Variants in MTUS2 observed in about 807,000 individuals in gnomAD.
MTUS2 encodes the protein microtubule-associated tumor suppressor candidate 2.
Under a neutral mutation model 114.1 loss-of-function variants are expected in MTUS2, and 40 were observed. The ratio of observed to expected loss-of-function variants is 0.35; its 90% CI spans 0.27 to 0.46. MTUS2 has a LOEUF of 0.46. Ranked by LOEUF, MTUS2 falls within the 20% of genes least tolerant of loss-of-function variation. MTUS2 has a pLI of 1.00. For missense variants in MTUS2, 1,679 were observed against 1,705.4 expected (o/e 0.98, Z 0.27); for synonymous variants, 688 against 672.0 (o/e 1.02, Z -0.37).
intron 5 of MTUS2, among the ~76,000 whole-genome samples, chr13:29,146,349 T>C (rs866291308): frequency 4.6e-5 from 7 of 152,230 alleles, no homozygotes; most frequent in Non-Finnish European, 1.0e-4. Flanking sequence ...TGATTTAAAA[T>C]GATGTAACTT....
Position 29,428,911 on chromosome 13 carries a change from C to T in MTUS2, c.3118-11072C>T, listed in dbSNP as rs139687884. 712 of 1,612,426 alleles carry T rather than the reference C, an allele frequency of 4.4e-4. 1 individual carries two copies. The highest frequency in any genetic ancestry group is 4.3e-3 in the Middle Eastern group (26 of 6,060). On this transcript the variant is annotated intron_variant, in intron 8 of 15. Transcript: ENST00000612955. ...TGGACAAGACGGTACTTTGCCTTCC[C>T]TCTCTCTTCTTCCCCCTCCTCCTTT...
chr13:29,133,058 C>T (rs1197357940), intron 5 of MTUS2, among the ~76,000 whole-genome samples: 1 of 151,662 alleles, frequency 6.6e-6, no homozygotes, highest in African/African-American at 2.4e-5. Context: ...AGTAGCCATA[C>T]TAATGGTTGC....
At chr13:29,316,900 C>T (rs936126440) in intron 6 of MTUS2, among the ~76,000 whole-genome samples, 2 of 152,200 alleles carry the variant, frequency 1.3e-5, no homozygotes, top group Non-Finnish European at 2.9e-5. Context: ...ACTTCCGTTA[C>T]AGCTCATACC....
At chr13:29,056,040 G>A (rs1888119907) in intron 4 of MTUS2, among the ~76,000 whole-genome samples, 1 of 151,916 alleles carries the variant, frequency 6.6e-6, no homozygotes, top group Non-Finnish European at 1.5e-5. Context: ...TTCTTTTGCT[G>A]TGCAGAAGTT....
At chr13:29,058,273 A>G (rs915168996) in intron 4 of MTUS2, among the ~76,000 whole-genome samples, 2 of 147,770 alleles carry the variant, frequency 1.4e-5, no homozygotes, top group Non-Finnish European at 3.0e-5. Flanking sequence ...GTCATCTTGT[A>G]TAGTGTCTTA....
intron 5 of MTUS2, among the ~76,000 whole-genome samples, chr13:29,219,748 C>T (rs372000575): frequency 6.6e-6 from 1 of 152,204 alleles, no homozygotes; most frequent in Non-Finnish European, 1.5e-5. Context: ...TCAGTACTTG[C>T]TGCTTCACCT....
chr13:29,316,019 G>A (rs1196265654), intron 6 of MTUS2, among the ~76,000 whole-genome samples: 1 of 152,176 alleles, frequency 6.6e-6, no homozygotes, highest in Non-Finnish European at 1.5e-5. Context: ...TGGCATGCTG[G>A]ATGAGTCATG....
intron 8 of MTUS2, among the ~76,000 whole-genome samples, chr13:29,367,917 T>G (rs1159240775): frequency 3.3e-5 from 5 of 150,658 alleles, no homozygotes; most frequent in Non-Finnish European, 5.9e-5. Flanking sequence ...GTAGCTTTTC[T>G]TTTTTTTCCT....
At chr13:29,216,078 A>G (rs746431601) in intron 5 of MTUS2, among the ~76,000 whole-genome samples, 1 of 152,116 alleles carries the variant, frequency 6.6e-6, no homozygotes, top group South Asian at 2.1e-4. Context: ...TGACCTGCCC[A>G]GTGAGGAGGA....
At chr13:29,163,977 C>T (rs1317124937) in intron 5 of MTUS2, among the ~76,000 whole-genome samples, 1 of 152,080 alleles carries the variant, frequency 6.6e-6, no homozygotes, top group South Asian at 2.1e-4. Flanking sequence ...TGCTAAACGT[C>T]GCTGAAAACT....
intron 6 of MTUS2, among the ~76,000 whole-genome samples, chr13:29,306,237 A>T (rs1329593113): frequency 6.6e-6 from 1 of 152,222 alleles, no homozygotes; most frequent in Non-Finnish European, 1.5e-5. Context: ...CAAGACAGGG[A>T]TGCCCTCTCT....
chr13:29,077,145 T>C (rs959332418), intron 4 of MTUS2, among the ~76,000 whole-genome samples: 5 of 152,192 alleles, frequency 3.3e-5, no homozygotes, highest in Non-Finnish European at 5.9e-5. Context: ...TTCTCTTGCT[T>C]TGTTTAATTG....
chr13:28,866,430 C>T (rs757815752), intron 2 of MTUS2, among the ~76,000 whole-genome samples: 1 of 152,086 alleles, frequency 6.6e-6, no homozygotes, highest in Admixed American at 6.6e-5. Context: ...AGCTGTGTGC[C>T]GCCTCGAGCT....
intron 5 of MTUS2, among the ~76,000 whole-genome samples, chr13:29,213,236 T>C (rs1895528036): frequency 1.3e-5 from 2 of 152,254 alleles, no homozygotes; most frequent in African/African-American, 4.8e-5. Flanking sequence ...CTTTTAAATT[T>C]ATCGAGCCTT....
intron 7 of MTUS2, among the ~76,000 whole-genome samples, chr13:29,355,065 G>A (rs1869626475): frequency 6.6e-6 from 1 of 152,204 alleles, no homozygotes; most frequent in African/African-American, 2.4e-5. Flanking sequence ...TGCACTATTT[G>A]TTATTGTGTC....
At chr13:28,916,591 C>T (rs1366374597) in intron 2 of MTUS2, among the ~76,000 whole-genome samples, 2 of 151,204 alleles carry the variant, frequency 1.3e-5, no homozygotes, top group East Asian at 3.9e-4. Context: ...TCAGATTGTT[C>T]AAATACTGGC....
chr13:28,975,799 A>T (rs1440039966), intron 2 of MTUS2, among the ~76,000 whole-genome samples: 2 of 152,106 alleles, frequency 1.3e-5, no homozygotes, highest in African/African-American at 4.8e-5. Flanking sequence ...AACTCAGCTT[A>T]TTTTTTGCTT....
At chr13:29,043,026 G>C (rs1260848342) in intron 4 of MTUS2, among the ~76,000 whole-genome samples, 1 of 151,980 alleles carries the variant, frequency 6.6e-6, no homozygotes, top group African/African-American at 2.4e-5. Flanking sequence ...GTTTGTTCTT[G>C]TTTCTCTAGT....
intron 2 of MTUS2, among the ~76,000 whole-genome samples, chr13:29,002,040 A>C (rs1885408518): frequency 6.6e-6 from 1 of 152,148 alleles, no homozygotes; most frequent in South Asian, 2.1e-4. Context: ...CAGTGCCATG[A>C]CTTTTGTTTT....
Sources: allele counts gnomAD v4.1 joint callset (sites outside exome capture counted in the v4.1 genomes callset), GRCh38; gene constraint gnomAD v4.1.1; transcripts MANE v1.5; gene names NCBI Gene and HGNC (gene_info 2026-07-23, HGNC 2026-07-21).